WBP1L: variants seen among roughly 807,000 people sequenced by gnomAD.
The protein encoded by WBP1L is WW domain binding protein 1 like, also known as WW domain binding protein 1-like.
In WBP1L, 17 loss-of-function variants were observed where a neutral mutation model predicts 33.7. The observed-to-expected ratio is 0.50, with a 90% CI of 0.34 to 0.76. WBP1L has a LOEUF of 0.76. Ranked by LOEUF, WBP1L falls within the 30% of genes least tolerant of loss-of-function variation. The pLI, the probability that WBP1L is intolerant of heterozygous loss-of-function variation, is 0.01. For missense variants in WBP1L, 389 were observed against 469.4 expected (o/e 0.83, Z 1.58); for synonymous variants, 173 against 190.8 (o/e 0.91, Z 0.77).
chr10:102,779,390 C>T (rs1176886442), intron 1 of WBP1L, among the ~76,000 whole-genome samples: 4 of 150,672 alleles, frequency 2.7e-5, no homozygotes, highest in South Asian at 4.3e-4. Flanking sequence ...CTCTGCCTTC[C>T]GGTTTCAAGC....
intron 1 of WBP1L, among the ~76,000 whole-genome samples, chr10:102,770,231 G>T (rs999690587): frequency 5.9e-5 from 9 of 152,190 alleles, no homozygotes; most frequent in Admixed American, 1.3e-4. Flanking sequence ...TTTGAGGTTT[G>T]AGTTAGTATT....
At position 102,771,381 on chromosome 10, in the gene WBP1L, A is replaced by G. The variant is rs1000732121; in HGVS notation, c.91-26612A>G. On this transcript the variant is annotated intron_variant, in intron 1 of 3. Transcript: ENST00000448841. ...AGACCAGCTTGGGTAACATAGCAAG[A>G]CTCCCTATTTAAAATAAAATTTTAG... Among the ~76,000 whole-genome samples the G allele has an allele frequency of 3.9e-5, 6 of 151,998 alleles. No homozygotes were observed. In the East Asian group the frequency reaches 1.2e-3, roughly 29 times the overall value.
intron 1 of WBP1L, among the ~76,000 whole-genome samples, chr10:102,746,730 C>T (rs911792939): frequency 9.2e-5 from 14 of 152,098 alleles, no homozygotes; most frequent in African/African-American, 3.4e-4. Context: ...TGAAGTCCAG[C>T]TAACTTTGAA....
intron 1 of WBP1L, chr10:102,776,529 C>A: frequency 7.2e-7 from 1 of 1,389,724 alleles, no homozygotes; most frequent in Non-Finnish European, 1.0e-6. Context: ...CTCAGTTAGA[C>A]CAGGCCAGCT....
At chr10:102,760,527 C>T (rs375042410) in intron 1 of WBP1L, among the ~76,000 whole-genome samples, 1 of 151,962 alleles carries the variant, frequency 6.6e-6, no homozygotes, top group Non-Finnish European at 1.5e-5. Flanking sequence ...CGGGCATGCA[C>T]CACCACGCCC....
At chr10:102,799,288 T>C (rs921467355) in intron 2 of WBP1L, among the ~76,000 whole-genome samples, 7 of 151,620 alleles carry the variant, frequency 4.6e-5, no homozygotes, top group African/African-American at 1.5e-4. Context: ...GTTGCGCCAC[T>C]GCACTCCAGC....
intron 1 of WBP1L, 152 bp downstream of exon 1, chr10:102,744,295 AT>A: frequency 3.3e-6 from 3 of 916,446 alleles, no homozygotes; most frequent in Non-Finnish European, 3.9e-6. Flanking sequence ...GGGCGTCGGT[AT>A]TTAGCTGAGG....
At chr10:102,807,956 T>C (rs1843760323) in intron 2 of WBP1L, among the ~76,000 whole-genome samples, 2 of 151,940 alleles carry the variant, frequency 1.3e-5, no homozygotes, top group Admixed American at 1.3e-4. Flanking sequence ...CCTGTAATCC[T>C]AGCACTTTGG....
At chr10:102,783,379 G>A (rs1310953222) in intron 1 of WBP1L, among the ~76,000 whole-genome samples, 5 of 152,194 alleles carry the variant, frequency 3.3e-5, no homozygotes, top group African/African-American at 1.2e-4. Flanking sequence ...TAAGAGGCAC[G>A]AGGGATGACC....
intron 1 of WBP1L, among the ~76,000 whole-genome samples, chr10:102,787,570 A>C (rs1399473493): frequency 6.6e-6 from 1 of 152,086 alleles, no homozygotes; most frequent in Non-Finnish European, 1.5e-5. Flanking sequence ...CCTTGGTGAC[A>C]GAGTGAGACC....
intron 1 of WBP1L, among the ~76,000 whole-genome samples, chr10:102,775,844 A>G (rs1184882384): frequency 6.6e-6 from 1 of 152,020 alleles, no homozygotes; most frequent in African/African-American, 2.4e-5. Flanking sequence ...CAGGGAGGAG[A>G]AACAATACTC....
At chr10:102,758,879 G>A (rs1168997425) in intron 1 of WBP1L, among the ~76,000 whole-genome samples, 1 of 152,196 alleles carries the variant, frequency 6.6e-6, no homozygotes, top group East Asian at 1.9e-4. Flanking sequence ...AGAGAAGGCA[G>A]CATACGTCAG....
rs780220585 is a variant in WBP1L, at chr10:102,813,109, C to G, written c.870C>G (p.Phe290Leu). Residue 290 changes from phenylalanine to leucine, a missense_variant, in exon 4 of 4, where the codon TTC (phenylalanine) becomes TTG (leucine). Transcript: ENST00000448841. ...ACCATGACGATGACCTCAAAGAGTT[C>G]AACACACTCATCGATGATGCTCTGG... ...RGHHDDDLKE[F>L]NTLIDDALDG... The G allele has an allele frequency of 3.2e-5, 51 of 1,613,842 alleles. No individual in the cohort carries two copies. The highest frequency in any genetic ancestry group is 3.6e-5 in the Non-Finnish European group (43 of 1,180,032).
chr10:102,783,944 T>C (rs1219509087), intron 1 of WBP1L, among the ~76,000 whole-genome samples: 1 of 152,228 alleles, frequency 6.6e-6, no homozygotes, highest in Non-Finnish European at 1.5e-5. Context: ...GCTTTCCTGC[T>C]GCCTTCTAAG....
At chr10:102,776,539 T>C (rs144492906) in intron 1 of WBP1L, 1 of 1,307,554 alleles carries the variant, frequency 7.6e-7, no homozygotes, top group African/African-American at 1.5e-5. Context: ...CCAGGCCAGC[T>C]CCCACACAGA....
chr10:102,797,035 G>A (rs1158286165), intron 1 of WBP1L, among the ~76,000 whole-genome samples: 3 of 152,154 alleles, frequency 2.0e-5, no homozygotes, highest in Admixed American at 2.0e-4. Context: ...ATGAATCCTG[G>A]ATCCAGTCAG....
intron 1 of WBP1L, chr10:102,776,405 G>A (rs1233761847): frequency 1.2e-6 from 2 of 1,614,018 alleles, no homozygotes; most frequent in Non-Finnish European, 1.7e-6. Flanking sequence ...CTTTCCTTTT[G>A]GGTCTTAGAC....
chr10:102,771,945 A>G (rs1314104352), intron 1 of WBP1L, among the ~76,000 whole-genome samples: 2 of 150,652 alleles, frequency 1.3e-5, no homozygotes, highest in Non-Finnish European at 2.9e-5. Context: ...GGCCATAAGT[A>G]GTTGTTAATC....
intron 3 of WBP1L, 80 bp from the exon 4 acceptor site, chr10:102,812,515 A>C: frequency 3.4e-6 from 5 of 1,466,308 alleles, no homozygotes; most frequent in Non-Finnish European, 4.5e-6. Context: ...GAGACAATGC[A>C]AATATTCAGT....
Sources: allele counts gnomAD v4.1 joint callset (sites outside exome capture counted in the v4.1 genomes callset), GRCh38; gene constraint gnomAD v4.1.1; transcripts MANE v1.5; gene names NCBI Gene and HGNC (gene_info 2026-07-23, HGNC 2026-07-21).